Variants in TMEM132D observed in about 807,000 individuals in gnomAD.
The protein encoded by TMEM132D is mature OL transmembrane protein.
Under a neutral mutation model 62.3 loss-of-function variants are expected in TMEM132D, and 21 were observed. That is an observed-to-expected ratio of 0.34 (90% CI 0.24 to 0.49). The LOEUF (loss-of-function observed/expected upper bound fraction) is 0.49. Ranked by LOEUF, TMEM132D falls within the 20% of genes least tolerant of loss-of-function variation. The pLI is 0.99. For synonymous variants in TMEM132D, 621 were observed against 575.6 expected (o/e 1.08, Z -1.13); for missense variants, 1,346 against 1,402.8 (o/e 0.96, Z 0.65).
intron 5 of TMEM132D, among the ~76,000 whole-genome samples, chr12:129,099,634 C>T (rs1480074691): frequency 6.6e-6 from 1 of 152,190 alleles, no homozygotes; most frequent in Non-Finnish European, 1.5e-5. Context: ...CACAGTTCCA[C>T]CTCCAGACGG....
intron 3 of TMEM132D, among the ~76,000 whole-genome samples, chr12:129,354,539 G>A (rs1339452640): frequency 6.6e-6 from 1 of 152,000 alleles, no homozygotes; most frequent in African/African-American, 2.4e-5. Flanking sequence ...GGCCAGGCTG[G>A]TCTCAAACTC....
At chr12:129,850,557 G>A (rs1244412645) in intron 1 of TMEM132D, among the ~76,000 whole-genome samples, 1 of 152,218 alleles carries the variant, frequency 6.6e-6, no homozygotes, top group Non-Finnish European at 1.5e-5. Context: ...TCCTGTAGTT[G>A]TTAACATTAT....
chr12:129,326,229 CT>C (rs1868904826), intron 4 of TMEM132D, among the ~76,000 whole-genome samples: 1 of 152,156 alleles, frequency 6.6e-6, no homozygotes, highest in Non-Finnish European at 1.5e-5. Context: ...GATAACACTA[CT>C]TTTTTATTTT....
rs574042140 is a variant in TMEM132D at position 129,608,714 on chromosome 12, G to A, written c.969-77509C>T. 3.3e-5 allele frequency among the ~76,000 whole-genome samples: 5 copies of A among 152,170 alleles called. No individual in the cohort carries two copies. In the East Asian group the frequency reaches 5.8e-4, roughly 18 times the overall value. On this transcript the variant is annotated intron_variant, in intron 2 of 8. Transcript: ENST00000422113. ...CAAAGTTGATGAAGCCATCAGCTCC[G>A]GCCTTTCTCCGTCTGTCATGCTTAG...
chr12:129,628,913 C>T (rs1049998774), intron 2 of TMEM132D, among the ~76,000 whole-genome samples: 18 of 151,758 alleles, frequency 1.2e-4, no homozygotes, highest in African/African-American at 4.4e-4. Flanking sequence ...TTCCTTCCTT[C>T]ATTTCTATCT....
rs1872686303 is a variant in TMEM132D, at chr12:129,827,242, T to G, written c.79+76019A>C. Among the ~76,000 whole-genome samples, 1 of 152,204 alleles carries G rather than the reference T, an allele frequency of 6.6e-6. No individual in the cohort carries two copies. The highest frequency in any genetic ancestry group is 2.4e-5 in the African/African-American group (1 of 41,454). On this transcript the variant is annotated intron_variant, in intron 1 of 8. Transcript: ENST00000422113. The surrounding 1 kb of genome is among the most constrained non-coding windows in gnomAD (Gnocchi z 9.7). Reference sequence around the variant, plus strand: ...CTGTCTTATGCAATGAGTGCTATGATTATTCCCATTTTGCAGATGAAGACA... The same window carrying G: ...CTGTCTTATGCAATGAGTGCTATGAGTATTCCCATTTTGCAGATGAAGACA...
chr12:129,155,659 A>G (rs1369306183), intron 5 of TMEM132D, among the ~76,000 whole-genome samples: 1 of 152,248 alleles, frequency 6.6e-6, no homozygotes, highest in African/African-American at 2.4e-5. Context: ...AGCAGGGGGC[A>G]GACGGCCAAA....
At chr12:129,401,895 G>A (rs1306121038) in intron 3 of TMEM132D, among the ~76,000 whole-genome samples, 3 of 152,178 alleles carry the variant, frequency 2.0e-5, no homozygotes, top group African/African-American at 7.2e-5. Flanking sequence ...GATCCAGCCA[G>A]GGCAGCCTGA....
intron 2 of TMEM132D, among the ~76,000 whole-genome samples, chr12:129,670,115 C>T (rs1880469299): frequency 1.3e-5 from 2 of 152,170 alleles, no homozygotes; most frequent in East Asian, 1.9e-4. Context: ...AAAATCATGA[C>T]TGAGGCAGTG....
At chr12:129,641,104 G>A (rs1173477982) in intron 2 of TMEM132D, among the ~76,000 whole-genome samples, 1 of 152,052 alleles carries the variant, frequency 6.6e-6, no homozygotes, top group Non-Finnish European at 1.5e-5. Flanking sequence ...CACAATAAAT[G>A]TAAAGTGCTG....
chr12:129,234,050 TG>T (rs1321559897), intron 4 of TMEM132D, among the ~76,000 whole-genome samples: 5 of 152,330 alleles, frequency 3.3e-5, no homozygotes, highest in Admixed American at 1.3e-4. Context: ...GAGTTAGATA[TG>T]TGCATAAACA....
At chr12:129,118,240 G>A (rs1875953694) in intron 5 of TMEM132D, among the ~76,000 whole-genome samples, 2 of 152,170 alleles carry the variant, frequency 1.3e-5, no homozygotes, top group Admixed American at 1.3e-4. Flanking sequence ...ATGATAGTTA[G>A]ATAAATGGAA....
rs938525499 is a variant in TMEM132D at position 129,625,661 on chromosome 12, T to C, written c.968+74149A>G. 2.0e-5 allele frequency among the ~76,000 whole-genome samples: 3 copies of C among 152,232 alleles called. No homozygotes were observed. In the East Asian group the frequency reaches 5.8e-4, roughly 29 times the overall value. Reference sequence around the variant, plus strand: ...TCTGACAGAGTGTGGATGAGATCTGTAACGCTTTAGGAATACTAGTCAAAC... The same window carrying C: ...TCTGACAGAGTGTGGATGAGATCTGCAACGCTTTAGGAATACTAGTCAAAC... On this transcript the variant is annotated intron_variant, in intron 2 of 8. Coordinates refer to ENST00000422113, the MANE Select transcript of TMEM132D (RefSeq NM_133448.3).
intron 3 of TMEM132D, among the ~76,000 whole-genome samples, chr12:129,444,133 T>G (rs534478282): frequency 6.6e-6 from 1 of 152,086 alleles, no homozygotes; most frequent in African/African-American, 2.4e-5. Flanking sequence ...AAGACTTAAA[T>G]GTAAAACCCA....
At chr12:129,834,444 C>T (rs1437322168) in intron 1 of TMEM132D, among the ~76,000 whole-genome samples, 1 of 151,558 alleles carries the variant, frequency 6.6e-6, no homozygotes, top group Non-Finnish European at 1.5e-5. Context: ...CCCGCCCCCT[C>T]CCTCCCATAC....
chr12:129,139,344 A>T (rs1876672518), intron 5 of TMEM132D, among the ~76,000 whole-genome samples: 1 of 151,936 alleles, frequency 6.6e-6, no homozygotes, highest in African/African-American at 2.4e-5. Context: ...AAAATATTCA[A>T]CTCTCAGTAC....
At chr12:129,218,351 A>G (rs1459123862) in intron 4 of TMEM132D, among the ~76,000 whole-genome samples, 1 of 152,244 alleles carries the variant, frequency 6.6e-6, no homozygotes, top group Non-Finnish European at 1.5e-5. Context: ...TGTGAACATC[A>G]TAGAGTATAT....
chr12:129,817,967 GTA>G (rs1391571754), intron 1 of TMEM132D, among the ~76,000 whole-genome samples: 4 of 146,528 alleles, frequency 2.7e-5, no homozygotes, highest in Non-Finnish European at 6.0e-5. Context: ...GTGTATGTGT[GTA>G]TATGTGTGTG....
In TMEM132D at chr12:129,420,306, G is replaced by GTTTTTTTTTTT. The variant is rs71082709; in HGVS notation, c.1116-82500_1116-82490dup. On this transcript the variant is annotated intron_variant, in intron 3 of 8. Transcript: ENST00000422113. ...AATTTCAAATTATTGCACGTTCTCTGTTTTTTTTTTTTTTTTTTTTTTTTG... is the reference window on the plus strand; with the variant it reads ...AATTTCAAATTATTGCACGTTCTCTGTTTTTTTTTTTTTTTTTTTTTTTTTTTTTTTTTTTG... 5.6e-4 allele frequency among the ~76,000 whole-genome samples: 63 copies of GTTTTTTTTTTT among 112,284 alleles called. 2 individuals are homozygous for GTTTTTTTTTTT. The highest frequency in any genetic ancestry group is 1.7e-3 in the South Asian group (5 of 2,946). 73.7% of individuals were successfully genotyped at this position (112,284 alleles called of 152,430 possible).
Sources: allele counts gnomAD v4.1 joint callset (sites outside exome capture counted in the v4.1 genomes callset), GRCh38; gene constraint gnomAD v4.1.1; non-coding constraint Gnocchi (gnomAD v3.1); transcripts MANE v1.5; gene names NCBI Gene and HGNC (gene_info 2026-07-23, HGNC 2026-07-21).